The following NOSTRIN variants were observed in gnomAD, a reference collection of about 807,000 sequenced individuals.
NOSTRIN encodes the protein nitric oxide synthase trafficking.
Under a neutral mutation model 59.0 loss-of-function variants are expected in NOSTRIN, and 63 were observed. The ratio of observed to expected loss-of-function variants is 1.07; its 90% CI spans 0.87 to 1.32. The LOEUF is 1.32. Ranked by LOEUF, NOSTRIN falls within the 40% of genes most tolerant of loss-of-function variation. The probability of loss-of-function intolerance (pLI) is 0.00; values close to 1 mark genes in which losing one functional copy is unlikely to be tolerated. For missense variants in NOSTRIN, 512 were observed against 473.1 expected, an observed-to-expected ratio of 1.08 and a Z score of -0.76; for synonymous variants, 200 against 165.4, an observed-to-expected ratio of 1.21 and a Z score of -1.61.
chr2:168,824,708 C>T lies in NOSTRIN; in HGVS notation c.188C>T (p.Thr63Met), dbSNP rs759605927. The change falls in exon 3 of 16, where the codon ACG becomes ATG. Residue 63 changes from threonine to methionine, a missense_variant. Physicochemically the swap from Thr to Met is moderately conservative, Grantham distance 81. Transcript: ENST00000317647. The stretch of plus-strand genomic sequence containing the variant: ...AAGCTGAGCAAAGCATTACAGAACA[C>T]GAGAAAAAGGTAAGTATTGTGGCAG... Reference protein sequence around the residue: ...ASKLSKALQNTRKSCVSSAWA... With the variant: ...ASKLSKALQNMRKSCVSSAWA... 2.8e-5 allele frequency: 24 copies of T among 872,510 alleles called. No individual in the cohort carries two copies. Among genetic ancestry groups the T allele is most frequent in the African/African-American group, 2.4e-4 (15 of 61,398 alleles). The allele number at this position is 872,510 out of a possible 1,614,324, so 54.0% of individuals were successfully genotyped here.
At chr2:168,827,341 G>A (rs1402369107) in intron 3 of NOSTRIN, among the ~76,000 whole-genome samples, 1 of 152,084 alleles carries the variant, frequency 6.6e-6, no homozygotes, top group African/African-American at 2.4e-5. Flanking sequence ...ACTGCTCATG[G>A]GACCATTAAC....
chr2:168,864,964 G>T lies in NOSTRIN; in HGVS notation c.1515G>T (p.Lys505Asn). The T allele has an allele frequency of 6.2e-7, 1 of 1,613,904 alleles. No homozygotes were observed. Among genetic ancestry groups the T allele is most frequent in the East Asian group, 2.2e-5 (1 of 44,868 alleles). The change falls in exon 16 of 16, where the codon AAG (lysine) becomes AAT (asparagine). Residue 505 changes from lysine to asparagine, a missense_variant. By Grantham distance (94) the Lys-to-Asn change is moderately conservative. Coordinates refer to ENST00000317647, the MANE Select transcript of NOSTRIN (RefSeq NM_001039724.4). ...CAAATGCTGGCAACACAGCTACAAAGGCATAAAACAAGACTCTGAACATAC... is the reference window on the plus strand; with the variant it reads ...CAAATGCTGGCAACACAGCTACAAATGCATAAAACAAGACTCTGAACATAC... ...LPSNAGNTAT[K>N]A
At chr2:168,791,213 A>C (rs55910802) in intron 2 of NOSTRIN, among the ~76,000 whole-genome samples, 37,416 of 151,964 alleles carry the variant, frequency 0.25, 5,346 homozygotes, top group African/African-American at 0.4. Flanking sequence ...TCATTGTTCA[A>C]TTCCCACCTG....
At position 168,828,508 on chromosome 2, in the gene NOSTRIN, C is replaced by T. The variant is rs1166680346; in HGVS notation, c.342+7C>T. 1 of 856,518 alleles carries T rather than the reference C, an allele frequency of 1.2e-6. No homozygotes were observed. Among genetic ancestry groups the T allele is most frequent in the East Asian group, 2.4e-5 (1 of 41,274 alleles). The allele number at this position is 856,518 out of a possible 1,614,324, so 53.1% of individuals were successfully genotyped here. A position where few individuals can be genotyped will look rare whatever the true frequency, so the allele number is the denominator to read the frequency against. On this transcript the variant is annotated splice_region_variant and intron_variant, in intron 5 of 15. Coordinates refer to ENST00000317647, the MANE Select transcript of NOSTRIN (RefSeq NM_001039724.4). ...AGAGAAGAAGAGAAAATCAGTGAGT[C>T]CAAACCTTTCTTTACTCTTCCTGTT...
intron 10 of NOSTRIN, 63 bp downstream of exon 10, chr2:168,851,467 C>T (rs1688765919): frequency 2.0e-6 from 3 of 1,528,406 alleles, no homozygotes; most frequent in South Asian, 2.7e-5. Flanking sequence ...GAGGGACTTA[C>T]ATTGAAAAAA....
chr2:168,834,113 G>A, intron 6 of NOSTRIN, 114 bp from the exon 7 acceptor site: 1 of 637,092 alleles, frequency 1.6e-6, no homozygotes, highest in Non-Finnish European at 2.8e-6. Flanking sequence ...AGGATTCTAG[G>A]ATACATAATT....
At chr2:168,828,333 C>G in intron 4 of NOSTRIN, 87 bp from the exon 5 acceptor site, 1 of 862,782 alleles carries the variant, frequency 1.2e-6, no homozygotes, top group Non-Finnish European at 2.0e-6. Context: ...TTCCATAACA[C>G]ACTATTTTAT....
At chr2:168,797,079 C>CTTTTTTTT (rs775176252), upstream of NOSTRIN, among the ~76,000 whole-genome samples, 674 of 74,978 alleles carry the variant, frequency 9.0e-3, 35 homozygotes, top group African/African-American at 0.027. Flanking sequence ...TTTCTTTTTT[C>CTTTTTTTT]TTTTTTTTTT....
At position 168,847,600 on chromosome 2, in the gene NOSTRIN, C is replaced by T. The variant is rs548403322; in HGVS notation, c.631-3484C>T. ...CTAGGACAGCAAGAACTGGAAGGAA[C>T]GAATGAAGAACAAATTGTCATGATG... On this transcript the variant is annotated intron_variant, in intron 8 of 15. Transcript: ENST00000317647. 9.8e-5 allele frequency among the ~76,000 whole-genome samples: 15 copies of T among 152,288 alleles called. No homozygotes were observed. In the South Asian group the frequency reaches 1.7e-3, roughly 17 times the overall value.
chr2:168,798,513 C>G (rs1685538447), upstream of NOSTRIN, among the ~76,000 whole-genome samples: 1 of 152,114 alleles, frequency 6.6e-6, no homozygotes, highest in Non-Finnish European at 1.5e-5. Flanking sequence ...AGCTTCCAGG[C>G]CAGACCCTGG....
chr2:168,828,075 G>A, intron 3 of NOSTRIN, 83 bp from the exon 4 acceptor site: 2 of 824,766 alleles, frequency 2.4e-6, no homozygotes, highest in Non-Finnish European at 4.3e-6. Flanking sequence ...TGAATCAGAT[G>A]CGATGCTGTA....
At chr2:168,802,766 C>T (rs1250816683) in intron 1 of NOSTRIN, 93 bp downstream of exon 1, 1 of 815,486 alleles carries the variant, frequency 1.2e-6, no homozygotes, top group East Asian at 2.5e-5. Context: ...AAATTTGAGA[C>T]ACTCAGAAAC....
Position 168,834,490 on chromosome 2 carries a change from T to TGCGC in NOSTRIN, c.504+180_504+183dup, listed in dbSNP as rs145224351. ...AGGGGATTCCAAATCATTACTGGCG[T>TGCGC]GCGCGCGCGCGCGCGCGCACACACA... On this transcript the variant is annotated intron_variant, in intron 7 of 15. Coordinates refer to ENST00000317647, the MANE Select transcript of NOSTRIN (RefSeq NM_001039724.4). Among the ~76,000 whole-genome samples, 670 of 87,520 alleles carry TGCGC rather than the reference T, an allele frequency of 7.7e-3. 3 individuals are homozygous for TGCGC. Among genetic ancestry groups the TGCGC allele is most frequent in the Admixed American group, 0.014 (112 of 7,746 alleles). The allele number at this position is 87,520 out of a possible 152,430, so 57.4% of individuals were successfully genotyped here.
chr2:168,855,839 A>G (rs1559140221), intron 11 of NOSTRIN: 2 of 443,286 alleles, frequency 4.5e-6, no homozygotes, highest in Non-Finnish European at 4.4e-6. Flanking sequence ...GTTTCTTTTG[A>G]CTTTTGAAAC....
At chr2:168,805,058 C>A (rs1407502532) in intron 1 of NOSTRIN, among the ~76,000 whole-genome samples, 1 of 152,128 alleles carries the variant, frequency 6.6e-6, no homozygotes, top group Non-Finnish European at 1.5e-5. Context: ...ATATATAATT[C>A]ATTTCCTTTT....
At chr2:168,827,699 C>G (rs1239715371) in intron 3 of NOSTRIN, among the ~76,000 whole-genome samples, 1 of 151,960 alleles carries the variant, frequency 6.6e-6, no homozygotes, top group Non-Finnish European at 1.5e-5. Context: ...TCCCTAGTAG[C>G]TAGGACTATG....
chr2:168,861,041 T>A, intron 14 of NOSTRIN, 132 bp downstream of exon 14: 1 of 609,772 alleles, frequency 1.6e-6, no homozygotes, highest in Non-Finnish European at 3.0e-6. Context: ...TGGGACCGAT[T>A]AATTTGTTAG....
At position 168,865,133 on chromosome 2, in the gene NOSTRIN, A is replaced by G. The variant is rs909343713; in HGVS notation, c.*163A>G. ...GCATTCATGATTATTAGCTTGAAACAGTCAGAAAAAAGATGGATGGGTGGA... is the reference window on the plus strand; with the variant it reads ...GCATTCATGATTATTAGCTTGAAACGGTCAGAAAAAAGATGGATGGGTGGA... On this transcript the variant is annotated 3_prime_UTR_variant, in exon 16 of 16. Coordinates refer to ENST00000317647, the MANE Select transcript of NOSTRIN (RefSeq NM_001039724.4). 27 of 754,512 alleles carry G rather than the reference A, an allele frequency of 3.6e-5. No individual in the cohort carries two copies. In the South Asian group the frequency reaches 4.9e-4, roughly 14 times the overall value. The allele number at this position is 754,512 out of a possible 1,614,324, so 46.7% of individuals were successfully genotyped here. A position where few individuals can be genotyped will look rare whatever the true frequency, so the allele number is the denominator to read the frequency against.
chr2:168,793,111 C>G (rs991422167), intron 2 of NOSTRIN, among the ~76,000 whole-genome samples: 1 of 152,164 alleles, frequency 6.6e-6, no homozygotes, highest in Non-Finnish European at 1.5e-5. Context: ...TCCTCCCACT[C>G]CCTCATTACT....
Sources: allele counts gnomAD v4.1 joint callset (sites outside exome capture counted in the v4.1 genomes callset), GRCh38; gene constraint gnomAD v4.1.1; transcripts MANE v1.5; gene names NCBI Gene and HGNC (gene_info 2026-07-23, HGNC 2026-07-21).